Variants in ATP6V1C1 observed in about 807,000 individuals in gnomAD.
The protein encoded by ATP6V1C1 is V-type proton ATPase subunit C 1.
In ATP6V1C1, 45 loss-of-function variants were observed where a neutral mutation model predicts 53.9. That is an observed-to-expected ratio of 0.83 (90% CI 0.66 to 1.07). ATP6V1C1 has a LOEUF of 1.07. ATP6V1C1 is among the 50% of genes least tolerant of loss of function. The probability of loss-of-function intolerance (pLI) is 0.00; values close to 1 mark genes in which losing one functional copy is unlikely to be tolerated. For synonymous variants in ATP6V1C1, 153 were observed against 155.2 expected (o/e 0.99, Z 0.11); for missense variants, 315 against 440.3 (o/e 0.72, Z 2.55).
At chr8:103,028,231 C>T (rs756696621) in intron 1 of ATP6V1C1, among the ~76,000 whole-genome samples, 2 of 151,802 alleles carry the variant, frequency 1.3e-5, no homozygotes, top group Non-Finnish European at 2.9e-5. Context: ...TTGTTTTGTG[C>T]GAAACGAGCA....
chr8:103,039,750 A>T (rs1273319184), intron 1 of ATP6V1C1, among the ~76,000 whole-genome samples: 1 of 152,030 alleles, frequency 6.6e-6, no homozygotes, highest in African/African-American at 2.4e-5. Context: ...GAGGAGGAGG[A>T]GGAAAAGAGA....
rs1817609818 is a variant in ATP6V1C1, at chr8:103,072,962, C to G, written c.*4215C>G. The G allele has an allele frequency of 6.6e-6, 1 of 152,238 alleles. No individual in the cohort carries two copies. The highest frequency in any genetic ancestry group is 1.5e-5 in the Non-Finnish European group (1 of 68,050). 9.4% of individuals were successfully genotyped at this position (152,238 alleles called of 1,614,324 possible). A position where few individuals can be genotyped will look rare whatever the true frequency, so the allele number is the denominator to read the frequency against. On this transcript the variant is annotated 3_prime_UTR_variant, in exon 13 of 13. Transcript: ENST00000518738. ...GTCAACAAACAGAAAGGGGGACATT[C>G]CTTCCCTGGCAGTTACTCAAAACTG...
rs182189488 is a variant in ATP6V1C1 at position 103,072,449 on chromosome 8, T to G, written c.*3702T>G. On this transcript the variant is annotated 3_prime_UTR_variant, in exon 13 of 13. Transcript: ENST00000518738. ...TTGCCTGCCTTTATAAAAAATGTGA[T>G]TATCTTCTTCTGTTAATGTCAATAA... The G allele has an allele frequency of 2.0e-5, 3 of 152,212 alleles. No homozygotes were observed. The highest frequency in any genetic ancestry group is 2.9e-5 in the Non-Finnish European group (2 of 68,028). The allele number at this position is 152,212 out of a possible 1,614,324, so 9.4% of individuals were successfully genotyped here. A position where few individuals can be genotyped will look rare whatever the true frequency, so the allele number is the denominator to read the frequency against.
At chr8:103,027,081 A>G (rs1431600314) in intron 1 of ATP6V1C1, among the ~76,000 whole-genome samples, 1 of 152,174 alleles carries the variant, frequency 6.6e-6, no homozygotes, top group African/African-American at 2.4e-5. Context: ...CAACTTTTTA[A>G]CTGAGTGGAT....
Position 103,064,821 on chromosome 8 carries a change from G to T in ATP6V1C1, c.926+10G>T, listed in dbSNP as rs1330489006. 1 of 1,608,882 alleles carries T rather than the reference G, an allele frequency of 6.2e-7. No homozygotes were observed. Among genetic ancestry groups the T allele is most frequent in the Non-Finnish European group, 8.5e-7 (1 of 1,177,962 alleles). ...TTGAGTCTGTTTTAAGGTAAAGCAA[G>T]TTAATTGCCAAACTTGGAACTGAAG... is the stretch of plus-strand genomic sequence containing the variant. On this transcript the variant is annotated intron_variant, in intron 11 of 12. Coordinates refer to ENST00000518738, the MANE Select transcript of ATP6V1C1 (RefSeq NM_001695.5).
At position 103,070,370 on chromosome 8, in the gene ATP6V1C1, A is replaced by G. The variant is rs1037063110; in HGVS notation, c.*1623A>G. 3 of 152,334 alleles carry G rather than the reference A, an allele frequency of 2.0e-5. No homozygotes were observed. Among genetic ancestry groups the G allele is most frequent in the African/African-American group, 7.2e-5 (3 of 41,578 alleles). The allele number at this position is 152,334 out of a possible 1,614,324, so 9.4% of individuals were successfully genotyped here. A position where few individuals can be genotyped will look rare whatever the true frequency, so the allele number is the denominator to read the frequency against. ...TAGGGTCATAGGTTATGTACACTTAAGTTTTTGACACTCACTGCCAAGTCA... is the reference window on the plus strand; with the variant it reads ...TAGGGTCATAGGTTATGTACACTTAGGTTTTTGACACTCACTGCCAAGTCA... On this transcript the variant is annotated 3_prime_UTR_variant, in exon 13 of 13. Transcript: ENST00000518738.
intron 1 of ATP6V1C1, among the ~76,000 whole-genome samples, chr8:103,028,345 A>G (rs1363014412): frequency 6.6e-6 from 1 of 152,226 alleles, no homozygotes; most frequent in East Asian, 1.9e-4. Context: ...GGATGCTAGT[A>G]GTGATGACAG....
intron 1 of ATP6V1C1, among the ~76,000 whole-genome samples, chr8:103,034,516 A>G (rs1229036490): frequency 1.3e-5 from 2 of 152,194 alleles, no homozygotes; most frequent in Non-Finnish European, 2.9e-5. Flanking sequence ...TTCATCTGCA[A>G]AGATAAATTT....
intron 8 of ATP6V1C1, 82 bp from the exon 9 acceptor site, chr8:103,062,873 C>G (rs921645609): frequency 1.6e-6 from 2 of 1,219,768 alleles, no homozygotes; most frequent in Non-Finnish European, 1.2e-6. Flanking sequence ...CTTTTCTCTT[C>G]CACCTGTTTC....
Position 103,071,426 on chromosome 8 carries a change from G to A in ATP6V1C1, c.*2679G>A, listed in dbSNP as rs1469205614. The A allele has an allele frequency of 1.3e-5, 2 of 152,114 alleles. No homozygotes were observed. Among genetic ancestry groups the A allele is most frequent in the East Asian group, 3.9e-4 (2 of 5,180 alleles). The allele number at this position is 152,114 out of a possible 1,614,324, so 9.4% of individuals were successfully genotyped here. A position where few individuals can be genotyped will look rare whatever the true frequency, so the allele number is the denominator to read the frequency against. ...AATTCTTTGTTGAGTCACAAATCTT[G>A]AGCCAGTCAGAATTTGAACCTAAGA... On this transcript the variant is annotated 3_prime_UTR_variant, in exon 13 of 13. Coordinates refer to ENST00000518738, the MANE Select transcript of ATP6V1C1 (RefSeq NM_001695.5).
rs781471033 is a variant in ATP6V1C1, at chr8:103,040,945, A to G, written c.109A>G (p.Lys37Glu). Residue 37 changes from lysine to glutamate, a missense_variant, in exon 2 of 13, where the codon AAG (lysine) becomes GAG (glutamate). Coordinates refer to ENST00000518738, the MANE Select transcript of ATP6V1C1 (RefSeq NM_001695.5). ...GAACAATAATCTTGCTGTCACTTCC[A>G]AGTTCAATATTCCTGACTTAAAGGT... ...SKNNNLAVTS[K>E]FNIPDLKVGT... The G allele has an allele frequency of 1.2e-6, 2 of 1,614,060 alleles. No individual in the cohort carries two copies. Among genetic ancestry groups the G allele is most frequent in the Non-Finnish European group, 1.7e-6 (2 of 1,179,966 alleles).
intron 1 of ATP6V1C1, among the ~76,000 whole-genome samples, chr8:103,034,193 GAGA>G (rs1816850172): frequency 1.3e-5 from 2 of 152,298 alleles, no homozygotes; most frequent in South Asian, 4.1e-4. Flanking sequence ...CACGCAGAAA[GAGA>G]AGAAGGACAT....
intron 8 of ATP6V1C1, among the ~76,000 whole-genome samples, chr8:103,058,363 A>G (rs1817327851): frequency 6.6e-6 from 1 of 152,244 alleles, no homozygotes; most frequent in South Asian, 2.1e-4. Flanking sequence ...TTACCTGTTT[A>G]AATTTAGTCA....
intron 1 of ATP6V1C1, among the ~76,000 whole-genome samples, chr8:103,039,314 A>G (rs567930867): frequency 3.7e-4 from 57 of 152,338 alleles, no homozygotes; most frequent in Non-Finnish European, 6.6e-4. Flanking sequence ...TTCACTTTCA[A>G]TGGTATTGTA....
intron 3 of ATP6V1C1, among the ~76,000 whole-genome samples, chr8:103,043,893 C>G (rs757338465): frequency 6.6e-6 from 1 of 151,596 alleles, no homozygotes; most frequent in Non-Finnish European, 1.5e-5. Flanking sequence ...TCTTCATTTT[C>G]TTTTTTTCTT....
At chr8:103,042,250 A>G in intron 2 of ATP6V1C1, 90 bp from the exon 3 acceptor site, 1 of 1,269,998 alleles carries the variant, frequency 7.9e-7, no homozygotes, top group Non-Finnish European at 1.1e-6. Flanking sequence ...AGAATTTAAG[A>G]TTTGTGAGAA....
In ATP6V1C1 at chr8:103,069,426, G is replaced by C. The variant is rs2131407958; in HGVS notation, c.*679G>C. On this transcript the variant is annotated 3_prime_UTR_variant, in exon 13 of 13. Transcript: ENST00000518738. ...TGTCTGACTTTCGTATGATTTAATT[G>C]AGCCAAATTTGGGTCAGAACACAAA... 6.6e-6 allele frequency: 1 copy of C among 152,252 alleles called. No homozygotes were observed. Among genetic ancestry groups the C allele is most frequent in the African/African-American group, 2.4e-5 (1 of 41,544 alleles). 9.4% of individuals were successfully genotyped at this position (152,252 alleles called of 1,614,324 possible).
At position 103,064,695 on chromosome 8, in the gene ATP6V1C1, A is replaced by T; in HGVS notation, c.829-19A>T. 2 of 1,594,564 alleles carry T rather than the reference A, an allele frequency of 1.3e-6. No individual in the cohort carries two copies. The highest frequency in any genetic ancestry group is 1.7e-4 in the Middle Eastern group (1 of 5,968). The stretch of plus-strand genomic sequence containing the variant: ...TATTTCTAAGACCAAATTTGTGGTA[A>T]TTTTTTTTCTTTTTATAGGGACCAC... On this transcript the variant is annotated intron_variant, in intron 10 of 12. Coordinates refer to ENST00000518738, the MANE Select transcript of ATP6V1C1 (RefSeq NM_001695.5).
At chr8:103,056,083 A>T (rs536837612) in intron 8 of ATP6V1C1, 147 bp downstream of exon 8, 2 of 712,538 alleles carry the variant, frequency 2.8e-6, no homozygotes, top group African/African-American at 3.6e-5. Flanking sequence ...TAATAATTTT[A>T]GACCTAGAAG....
Sources: gnomAD v4.1 joint callset for allele counts (sites outside exome capture counted in the v4.1 genomes callset) on GRCh38, gnomAD v4.1.1 for gene constraint, MANE v1.5 for transcripts, NCBI Gene and HGNC (gene_info 2026-07-23, HGNC 2026-07-21) for gene names.